The following CCDC146 variants were observed in gnomAD, a reference collection of about 807,000 sequenced individuals.
The protein encoded by CCDC146 is coiled-coil domain-containing protein 146.
Under a neutral mutation model 119.3 loss-of-function variants are expected in CCDC146, and 92 were observed. The observed-to-expected ratio is 0.77, with a 90% CI of 0.65 to 0.92. CCDC146 has a LOEUF of 0.92. CCDC146 is among the 40% of genes least tolerant of loss of function. The pLI, the probability that CCDC146 is intolerant of heterozygous loss-of-function variation, is 0.00. For synonymous variants in CCDC146, 372 were observed against 371.8 expected, an observed-to-expected ratio of 1.00 and a Z score of -0.01; for missense variants, 1,000 against 1,103.0, an observed-to-expected ratio of 0.91 and a Z score of 1.32.
intron 17 of CCDC146, among the ~76,000 whole-genome samples, chr7:77,290,807 A>T (rs145455172): frequency 1.3e-5 from 2 of 152,324 alleles, no homozygotes; most frequent in East Asian, 3.9e-4. Context: ...CAGTTATTAC[A>T]TTTTCAGAGG....
chr7:77,259,106 C>A, intron 7 of CCDC146, 38 bp downstream of exon 7: 1 of 1,221,034 alleles, frequency 8.2e-7, no homozygotes, highest in Non-Finnish European at 1.2e-6. Context: ...CCCTGCCAGT[C>A]CAAGTTATGT....
chr7:77,278,036 C>T (rs1057087713), intron 11 of CCDC146, among the ~76,000 whole-genome samples: 12 of 152,134 alleles, frequency 7.9e-5, no homozygotes, highest in African/African-American at 2.7e-4. Context: ...AATATGATGC[C>T]TTATTATGTA....
intron 1 of CCDC146, among the ~76,000 whole-genome samples, chr7:77,165,334 A>C (rs1411191427): frequency 6.6e-6 from 1 of 152,014 alleles, no homozygotes; most frequent in African/African-American, 2.4e-5. Context: ...TTAAATACTT[A>C]AAATTTTATT....
chr7:77,249,599 G>A (rs999960504), intron 4 of CCDC146, among the ~76,000 whole-genome samples: 4 of 96,818 alleles, frequency 4.1e-5, no homozygotes, highest in Non-Finnish European at 1.2e-4. Flanking sequence ...TCTGAAGTTC[G>A]TTCTGTCTGA....
chr7:77,146,597 A>G (rs1212307380), intron 1 of CCDC146, among the ~76,000 whole-genome samples: 3 of 152,120 alleles, frequency 2.0e-5, no homozygotes, highest in South Asian at 4.1e-4. Context: ...TCTTTTAGGG[A>G]AAGCCTGGTG....
At chr7:77,268,798 C>T (rs1584129471) in intron 9 of CCDC146, among the ~76,000 whole-genome samples, 1 of 152,170 alleles carries the variant, frequency 6.6e-6, no homozygotes, top group Non-Finnish European at 1.5e-5. Context: ...ATCATTTTCC[C>T]TCAGGAAAAA....
At chr7:77,234,535 G>A (rs1031294027) in intron 2 of CCDC146, among the ~76,000 whole-genome samples, 2 of 152,156 alleles carry the variant, frequency 1.3e-5, no homozygotes, top group African/African-American at 4.8e-5. Flanking sequence ...AGGAGTTCAA[G>A]ACCAGCCTGG....
intron 2 of CCDC146, among the ~76,000 whole-genome samples, chr7:77,176,725 A>C (rs1791505770): frequency 6.6e-6 from 1 of 150,912 alleles, no homozygotes; most frequent in African/African-American, 2.4e-5. Context: ...ACCTAATTTC[A>C]TACTTGTAAA....
intron 2 of CCDC146, among the ~76,000 whole-genome samples, chr7:77,233,022 C>T (rs977134263): frequency 2.0e-5 from 3 of 151,900 alleles, no homozygotes; most frequent in African/African-American, 7.3e-5. Flanking sequence ...AGGTCAATTT[C>T]CAGAGACTTT....
intron 2 of CCDC146, chr7:77,194,792 A>G (rs1157567272): frequency 1.3e-5 from 2 of 152,166 alleles, no homozygotes; most frequent in Non-Finnish European, 2.9e-5. Flanking sequence ...AAAAATACGC[A>G]GAATACTGCT....
rs1327137789 is a variant in CCDC146 at position 77,280,445 on chromosome 7, A to G, written c.1711A>G (p.Met571Val). Residue 571 changes from methionine to valine, a missense_variant, in exon 14 of 19, where the codon ATG (methionine) becomes GTG (valine). Around this residue, in one of 2 missense-constraint regions of CCDC146, gnomAD observed 985 missense variants for 1,045.3 expected, o/e 0.94. Coordinates refer to ENST00000285871, the MANE Select transcript of CCDC146 (RefSeq NM_020879.3). Reference sequence around the variant, plus strand: ...CTTTAAAAGAAAGCTACAAAATTCCATGCTGAAACACGCCAACAATGTTAC... The same window carrying G: ...CTTTAAAAGAAAGCTACAAAATTCCGTGCTGAAACACGCCAACAATGTTAC... ...VSQERKLQNS[M>V]LKHANNVTIR... is the part of the protein sequence containing the mutation. 2 of 1,610,646 alleles carry G rather than the reference A, an allele frequency of 1.2e-6. No homozygotes were observed. Among genetic ancestry groups the G allele is most frequent in the East Asian group, 2.2e-5 (1 of 44,860 alleles).
chr7:77,210,227 G>A (rs1040102393), intron 2 of CCDC146, among the ~76,000 whole-genome samples: 1 of 152,182 alleles, frequency 6.6e-6, no homozygotes, highest in Non-Finnish European at 1.5e-5. Context: ...AGTGTATGCT[G>A]TTAGAAGCAG....
chr7:77,258,660 A>G (rs530487831), intron 6 of CCDC146, among the ~76,000 whole-genome samples: 2 of 152,346 alleles, frequency 1.3e-5, no homozygotes, highest in East Asian at 3.9e-4. Flanking sequence ...TAGGTGTATT[A>G]AATGCATTTT....
chr7:77,163,157 A>G (rs1791288380), intron 1 of CCDC146, among the ~76,000 whole-genome samples: 1 of 152,130 alleles, frequency 6.6e-6, no homozygotes. Context: ...TTGATTATAA[A>G]GATTTCAAGG....
intron 2 of CCDC146, among the ~76,000 whole-genome samples, chr7:77,174,320 G>C (rs2150412157): frequency 6.6e-6 from 1 of 152,288 alleles, no homozygotes; most frequent in African/African-American, 2.4e-5. Flanking sequence ...ATTGAGGCTT[G>C]CCCTTGAGAG....
chr7:77,257,686 C>T (rs774177430), intron 6 of CCDC146, among the ~76,000 whole-genome samples: 12 of 152,208 alleles, frequency 7.9e-5, no homozygotes, highest in Non-Finnish European at 1.8e-4. Context: ...AGAAATGTCT[C>T]GCCCACCACA....
At chr7:77,190,788 C>T (rs113535976) in intron 2 of CCDC146, among the ~76,000 whole-genome samples, 66 of 152,238 alleles carry the variant, frequency 4.3e-4, no homozygotes, top group African/African-American at 1.5e-3. Context: ...TTGGCCACCT[C>T]GGCTTGTTAC....
At chr7:77,288,983 A>C (rs1793896344) in intron 17 of CCDC146, among the ~76,000 whole-genome samples, 1 of 152,206 alleles carries the variant, frequency 6.6e-6, no homozygotes, top group African/African-American at 2.4e-5. Flanking sequence ...TTTTTATTTG[A>C]CTATTATGCT....
rs751148495 is a variant in CCDC146, at chr7:77,278,802, C to T, written c.1491C>T (p.Ile497=). The T allele has an allele frequency of 3.1e-6, 5 of 1,612,498 alleles. No individual in the cohort carries two copies. The highest frequency in any genetic ancestry group is 3.4e-5 in the Admixed American group (2 of 59,660). The change falls in exon 12 of 19, where the codon ATC becomes ATT. Residue 497 remains isoleucine (I), a synonymous_variant. Coordinates refer to ENST00000285871, the MANE Select transcript of CCDC146 (RefSeq NM_020879.3). ...AAATGAAAGCAAAGGATCTTGAAAT[C>T]AGGATACACAAGAAGAAAAAATGTG... ...VKEMKAKDLE[I]RIHKKKKCEI... is the part of the protein sequence containing the mutation.
Sources: gnomAD v4.1 joint callset for allele counts (sites outside exome capture counted in the v4.1 genomes callset) on GRCh38, gnomAD v4.1.1 for gene constraint, gnomAD v4.1.1 regional missense constraint, MANE v1.5 for transcripts, NCBI Gene and HGNC (gene_info 2026-07-23, HGNC 2026-07-21) for gene names.